Variants in GOLM2 observed in about 807,000 individuals in gnomAD.
GOLM2 encodes the protein protein GOLM2.
In GOLM2, 26 loss-of-function variants were observed where a neutral mutation model predicts 55.9. The ratio of observed to expected loss-of-function variants is 0.47; its 90% CI spans 0.34 to 0.65. The LOEUF (loss-of-function observed/expected upper bound fraction) is 0.65. Ranked by LOEUF, GOLM2 falls within the 30% of genes least tolerant of loss-of-function variation. The pLI, the probability that GOLM2 is intolerant of heterozygous loss-of-function variation, is 0.01. For synonymous variants in GOLM2, 165 were observed against 194.6 expected, an observed-to-expected ratio of 0.85 and a Z score of 1.27; for missense variants, 486 against 531.8, an observed-to-expected ratio of 0.91 and a Z score of 0.85.
At chr15:44,333,570 A>G (rs2079036492) in intron 4 of GOLM2, among the ~76,000 whole-genome samples, 1 of 152,196 alleles carries the variant, frequency 6.6e-6, no homozygotes, top group African/African-American at 2.4e-5. Context: ...TAGTAGAGGC[A>G]TTGAGGGCAA....
intron 6 of GOLM2, among the ~76,000 whole-genome samples, chr15:44,369,693 T>TACACACACACACACAC (rs3986148): frequency 4.2e-5 from 6 of 143,618 alleles, no homozygotes; most frequent in East Asian, 2.1e-4. Flanking sequence ...TATATATGCA[T>TACACACACACACACAC]ACACACACAC....
Position 44,383,417 on chromosome 15 carries a change from C to G in GOLM2, c.1072+2441C>G, listed in dbSNP as rs184626176. Among the ~76,000 whole-genome samples, 680 of 152,062 alleles carry G rather than the reference C, an allele frequency of 4.5e-3. 4 individuals carry two copies. Among genetic ancestry groups the G allele is most frequent in the African/African-American group, 0.016 (648 of 41,520 alleles). On this transcript the variant is annotated intron_variant, in intron 8 of 9. Transcript: ENST00000299957. Reference sequence around the variant, plus strand: ...TCTCTAGAACAGTTTTAAAGTGTCACTGGAGTTATTTAAGTTTAGGGGTTT... The same window carrying G: ...TCTCTAGAACAGTTTTAAAGTGTCAGTGGAGTTATTTAAGTTTAGGGGTTT...
intron 8 of GOLM2, among the ~76,000 whole-genome samples, chr15:44,381,744 T>A (rs1419714209): frequency 6.6e-6 from 1 of 152,250 alleles, no homozygotes; most frequent in Non-Finnish European, 1.5e-5. Flanking sequence ...TGTACAAAGA[T>A]TGCGTGTAAG....
intron 1 of GOLM2, among the ~76,000 whole-genome samples, chr15:44,300,912 T>A (rs1413960678): frequency 1.3e-5 from 2 of 152,318 alleles, no homozygotes; most frequent in East Asian, 3.9e-4. Context: ...AGGTAGTTCC[T>A]CTTTTGAACA....
At chr15:44,291,224 C>T (rs1375451236) in intron 1 of GOLM2, among the ~76,000 whole-genome samples, 1 of 151,966 alleles carries the variant, frequency 6.6e-6, no homozygotes, top group Admixed American at 6.6e-5. Context: ...AAGTGATCCT[C>T]CTGCTTCAGC....
At chr15:44,356,202 G>A (rs1311233534) in intron 6 of GOLM2, among the ~76,000 whole-genome samples, 1 of 148,806 alleles carries the variant, frequency 6.7e-6, no homozygotes, top group Non-Finnish European at 1.5e-5. Flanking sequence ...TAAATCCAAA[G>A]TAAGCAAAAT....
At chr15:44,395,425 A>G (rs2141207204) in intron 8 of GOLM2, among the ~76,000 whole-genome samples, 1 of 152,200 alleles carries the variant, frequency 6.6e-6, no homozygotes, top group East Asian at 1.9e-4. Flanking sequence ...GTACAGAATT[A>G]AAATATACGG....
At chr15:44,335,416 A>T (rs1368013125) in intron 4 of GOLM2, among the ~76,000 whole-genome samples, 1 of 152,242 alleles carries the variant, frequency 6.6e-6, no homozygotes, top group African/African-American at 2.4e-5. Context: ...TCAATAGTAC[A>T]TTAAAGATAC....
chr15:44,396,325 TCCA>T, intron 8 of GOLM2, among the ~76,000 whole-genome samples: 1 of 152,054 alleles, frequency 6.6e-6, no homozygotes, highest in Non-Finnish European at 1.5e-5. Flanking sequence ...AACACTGCAC[TCCA>T]GCCTGGGCAA....
At chr15:44,372,924 C>T (rs1166936914) in intron 6 of GOLM2, among the ~76,000 whole-genome samples, 3 of 152,166 alleles carry the variant, frequency 2.0e-5, no homozygotes, top group Non-Finnish European at 4.4e-5. Context: ...AAGTTTCATT[C>T]ATACCTCTGC....
chr15:44,338,795 AT>A (rs1206122766), intron 6 of GOLM2, among the ~76,000 whole-genome samples: 1 of 151,488 alleles, frequency 6.6e-6, no homozygotes, highest in Non-Finnish European at 1.5e-5. Flanking sequence ...TTTGTTTAAC[AT>A]TTTTTTTCTT....
At chr15:44,318,545 C>T (rs1328543316) in intron 1 of GOLM2, among the ~76,000 whole-genome samples, 4 of 152,088 alleles carry the variant, frequency 2.6e-5, no homozygotes, top group Non-Finnish European at 5.9e-5. Context: ...CCTGTCTCTA[C>T]TAAAAATACA....
At chr15:44,350,452 A>G (rs2141159098) in intron 6 of GOLM2, among the ~76,000 whole-genome samples, 1 of 152,326 alleles carries the variant, frequency 6.6e-6, no homozygotes, top group Middle Eastern at 3.4e-3. Context: ...ACAGACTGAC[A>G]ACAAGTAACA....
At chr15:44,356,915 A>C (rs1025473650) in intron 6 of GOLM2, among the ~76,000 whole-genome samples, 3 of 152,222 alleles carry the variant, frequency 2.0e-5, no homozygotes, top group Non-Finnish European at 4.4e-5. Flanking sequence ...TCATGCCTGT[A>C]ATCCTAGCAC....
At chr15:44,370,914 C>T (rs2079325497) in intron 6 of GOLM2, among the ~76,000 whole-genome samples, 1 of 152,142 alleles carries the variant, frequency 6.6e-6, no homozygotes, top group Non-Finnish European at 1.5e-5. Flanking sequence ...CCCACCTTGG[C>T]CTCCCAAAGC....
intron 2 of GOLM2, among the ~76,000 whole-genome samples, chr15:44,325,468 TA>T (rs535590900): frequency 4.3e-4 from 66 of 152,302 alleles, no homozygotes; most frequent in Non-Finnish European, 7.4e-4. Context: ...CCAAGAATCT[TA>T]AAATCATACT....
intron 6 of GOLM2, among the ~76,000 whole-genome samples, chr15:44,350,936 T>C (rs1214634896): frequency 6.6e-6 from 1 of 152,138 alleles, no homozygotes; most frequent in African/African-American, 2.4e-5. Context: ...CTCTTCATGA[T>C]AAAAATCCTC....
Position 44,289,362 on chromosome 15 carries a change from G to A in GOLM2, c.327+6G>A. On this transcript the variant is annotated splice_donor_region_variant and intron_variant, in intron 1 of 9. Coordinates refer to ENST00000299957, the MANE Select transcript of GOLM2 (RefSeq NM_138423.4). This position sits in a 1 kb window ranked among gnomAD's most constrained non-coding sequence, Gnocchi z 4.8. ...AGAGATGCGAGGATGACAAGGTAAG[G>A]ACGACCCTTTTCTCTTCAAACCCCA... The A allele has an allele frequency of 1.2e-6, 2 of 1,607,566 alleles. No individual in the cohort carries two copies. The highest frequency in any genetic ancestry group is 1.7e-6 in the Non-Finnish European group (2 of 1,177,054).
intron 1 of GOLM2, among the ~76,000 whole-genome samples, chr15:44,294,531 G>A (rs1188708287): frequency 6.6e-6 from 1 of 151,964 alleles, no homozygotes; most frequent in Non-Finnish European, 1.5e-5. Flanking sequence ...TGGCTAGCAT[G>A]GTGAAACTCC....
Sources: gnomAD v4.1 joint callset for allele counts (sites outside exome capture counted in the v4.1 genomes callset) on GRCh38, gnomAD v4.1.1 for gene constraint, Gnocchi (gnomAD v3.1) non-coding constraint, MANE v1.5 for transcripts, NCBI Gene and HGNC (gene_info 2026-07-23, HGNC 2026-07-21) for gene names.